RUBCNL: variants seen among roughly 807,000 people sequenced by gnomAD.
RUBCNL encodes the protein protein associated with UVRAG as autophagy enhancer.
A neutral mutation model predicts 69.5 loss-of-function variants in RUBCNL; 62 were observed. The observed-to-expected ratio is 0.89, with a 90% CI of 0.73 to 1.10. The LOEUF (loss-of-function observed/expected upper bound fraction) is 1.10, where lower values mean the gene tolerates loss of function less well. Ranked by LOEUF, RUBCNL falls within the 50% of genes least tolerant of loss-of-function variation. The probability of loss-of-function intolerance (pLI) is 0.00; values close to 1 mark genes in which losing one functional copy is unlikely to be tolerated. For synonymous variants in RUBCNL, 291 were observed against 303.6 expected, an observed-to-expected ratio of 0.96 and a Z score of 0.43; for missense variants, 768 against 798.1, an observed-to-expected ratio of 0.96 and a Z score of 0.45.
upstream of RUBCNL, chr13:46,387,828 C>T (rs2049283418): frequency 1.0e-6 from 1 of 985,472 alleles, no homozygotes; most frequent in African/African-American, 1.7e-5. Flanking sequence ...TTTGGAATCC[C>T]ATCACGGGTG....
intron 9 of RUBCNL, among the ~76,000 whole-genome samples, chr13:46,358,348 G>C (rs1425446027): frequency 3.3e-5 from 5 of 152,188 alleles, no homozygotes; most frequent in African/African-American, 1.2e-4. Flanking sequence ...CAAACCAAGA[G>C]GGATGGAAAA....
At position 46,341,905 on chromosome 13, in the gene RUBCNL, G is replaced by C. The variant is rs1359334289; in HGVS notation, c.*1480C>G. 1 of 152,204 alleles carries C rather than the reference G, an allele frequency of 6.6e-6. No individual in the cohort carries two copies. The highest frequency in any genetic ancestry group is 1.5e-5 in the Non-Finnish European group (1 of 68,044). 9.4% of individuals were successfully genotyped at this position (152,204 alleles called of 1,614,324 possible). On this transcript the variant is annotated 3_prime_UTR_variant, in exon 15 of 15. Coordinates refer to ENST00000429979, the MANE Select transcript of RUBCNL (RefSeq NM_025113.5). The stretch of plus-strand genomic sequence containing the variant: ...CTCAGTTTCCTTGCCTGTAAATGGA[G>C]ATATAGACATCTGCCTCAGAAAGGA...
At position 46,344,753 on chromosome 13, in the gene RUBCNL, T is replaced by C. The variant is rs200106645; in HGVS notation, c.1864A>G (p.Arg622Gly). ...AGTTATTAAATACCTGAACATCTTC[T>C]ACATGTTGCTGTCTGAAATGGGAAG... ...VIFPFQTATC[R>G]RCSACRACFH... Residue 622 changes from arginine (R) to glycine (G), a missense_variant, in exon 14 of 15, where the codon AGA becomes GGA. Coordinates refer to ENST00000429979, the MANE Select transcript of RUBCNL (RefSeq NM_025113.5). 45 of 1,605,766 alleles carry C rather than the reference T, an allele frequency of 2.8e-5. No individual in the cohort carries two copies. Among genetic ancestry groups the C allele is most frequent in the Non-Finnish European group, 3.5e-5 (41 of 1,174,302 alleles).
chr13:46,388,597 T>G (rs1185304312), upstream of RUBCNL, among the ~76,000 whole-genome samples: 6 of 152,194 alleles, frequency 3.9e-5, no homozygotes, highest in South Asian at 2.1e-4. Flanking sequence ...AAGCTCTCTC[T>G]CGCGGTGCCC....
At chr13:46,389,995 A>C (rs1187465102), upstream of RUBCNL, 1 of 152,234 alleles carries the variant, frequency 6.6e-6, no homozygotes, top group African/African-American at 2.4e-5. This position sits in a 1 kb window ranked among gnomAD's most constrained non-coding sequence, Gnocchi z 4.2. Context: ...CCTCCAAGAC[A>C]CAGGGCTTGA....
At chr13:46,388,882 T>G (rs1346460820), upstream of RUBCNL, among the ~76,000 whole-genome samples, 3 of 152,236 alleles carry the variant, frequency 2.0e-5, no homozygotes, top group African/African-American at 7.2e-5. Flanking sequence ...TGAATCAATA[T>G]GACAAAAGTC....
chr13:46,363,393 C>T lies in RUBCNL; in HGVS notation c.827-180G>A, dbSNP rs530086627. ...ACTATTTGTGTGTTCTTTTTGCACT[C>T]ACTATGATTAAGTGCCTGTAGTCCC... On this transcript the variant is annotated intron_variant, in intron 5 of 14. Coordinates refer to ENST00000429979, the MANE Select transcript of RUBCNL (RefSeq NM_025113.5). Among the ~76,000 whole-genome samples the T allele has an allele frequency of 6.6e-5, 10 of 152,228 alleles. No individual in the cohort carries two copies. The East Asian group carries it at 1.4e-3, about 21-fold the overall frequency.
At chr13:46,345,363 T>G in intron 13 of RUBCNL, 84 bp downstream of exon 13, 2 of 1,466,670 alleles carry the variant, frequency 1.4e-6, no homozygotes, top group Non-Finnish European at 1.8e-6. Flanking sequence ...TCAGGGTTTG[T>G]GAGAGTTAAA....
Position 46,338,010 on chromosome 13 carries a change from C to T in RUBCNL, c.*5375G>A, listed in dbSNP as rs368035685. Among the ~76,000 whole-genome samples the T allele has an allele frequency of 2.6e-5, 4 of 152,122 alleles. No homozygotes were observed. The highest frequency in any genetic ancestry group is 3.9e-4 in the East Asian group (2 of 5,160). The stretch of plus-strand genomic sequence containing the variant: ...TGCCAAAAGTTCAGAGAGCTGTCCC[C>T]AGTAGAATAATGAGGTAAATGCAGA... On this transcript the variant is annotated 3_prime_UTR_variant, in exon 15 of 15. Coordinates refer to ENST00000429979, the MANE Select transcript of RUBCNL (RefSeq NM_025113.5).
At position 46,371,923 on chromosome 13, in the gene RUBCNL, G is replaced by A. The variant is rs755619499; in HGVS notation, c.535+18C>T. 3.1e-5 allele frequency: 50 copies of A among 1,611,958 alleles called. No individual in the cohort carries two copies. Among genetic ancestry groups the A allele is most frequent in the Admixed American group, 5.0e-5 (3 of 59,912 alleles). On this transcript the variant is annotated intron_variant, in intron 3 of 14. Coordinates refer to ENST00000429979, the MANE Select transcript of RUBCNL (RefSeq NM_025113.5). ...GTGTGAACAGAGAGGAATGAGGGAG[G>A]TCACCTACTAAAATTACCTTCATCA...
chr13:46,337,968 T>A lies in RUBCNL; in HGVS notation c.*5417A>T, dbSNP rs1403561171. Among the ~76,000 whole-genome samples the A allele has an allele frequency of 6.6e-6, 1 of 152,038 alleles. No homozygotes were observed. The highest frequency in any genetic ancestry group is 6.6e-5 in the Admixed American group (1 of 15,264). ...CTTCCAAGAGACTTTCAAGGGCAGA[T>A]AGAAAGGATCAAAGGCTGCCAAAAG... On this transcript the variant is annotated 3_prime_UTR_variant, in exon 15 of 15. Transcript: ENST00000429979.
rs576533128 is a variant in RUBCNL, at chr13:46,362,558, A to T, written c.966T>A (p.Cys322Ter). ...DFNDITETCSCSCSSSKSVTY... is the reference protein window; with the variant it reads ...DFNDITETCS ...GATACCTCTTAGAGGAGCTGCAGGA[A>T]CAGCTACAGGTTTCTGTGATATCAT... Residue 322 changes from cysteine to a stop codon, truncating the protein, a stop_gained, in exon 7 of 15, where the codon TGT becomes TGA. Transcript: ENST00000429979. LOFTEE classifies it high-confidence loss of function. 7.5e-6 allele frequency: 12 copies of T among 1,609,434 alleles called. No homozygotes were observed. The South Asian group carries it at 1.3e-4, about 18-fold the overall frequency.
chr13:46,361,313 CA>C, intron 8 of RUBCNL, 127 bp downstream of exon 8: 1 of 899,522 alleles, frequency 1.1e-6, no homozygotes, highest in Non-Finnish European at 1.7e-6. Context: ...CCAGTTTCCT[CA>C]TTCATTTTGA....
Position 46,367,928 on chromosome 13 carries a change from G to C in RUBCNL, c.826+114C>G, listed in dbSNP as rs2048793800. 4 of 1,003,690 alleles carry C rather than the reference G, an allele frequency of 4.0e-6. No individual in the cohort carries two copies. The Admixed American group carries it at 7.7e-5, about 19-fold the overall frequency. 62.2% of individuals were successfully genotyped at this position (1,003,690 alleles called of 1,614,324 possible). A position where few individuals can be genotyped will look rare whatever the true frequency, so the allele number is the denominator to read the frequency against. ...ATATAGAGTTTGGTACTATCTGAAG[G>C]TTCAGGCTTCCACTGGGAGTCTTGG... On this transcript the variant is annotated intron_variant, in intron 5 of 14. Transcript: ENST00000429979.
Position 46,372,442 on chromosome 13 carries a change from G to A in RUBCNL, c.34C>T (p.Pro12Ser), listed in dbSNP as rs1255520223. The part of the protein sequence containing the change: ...VSQSTVRQDS[P>S]VEPWEGISDH... ...CTGATCCCTTCCCAGGGCTCCACAG[G>A]AGAATCCTGCCTGACTGTAGATTGT... Residue 12 changes from proline to serine, a missense_variant, in exon 3 of 15, where the codon CCT (proline) becomes TCT (serine). Pro to Ser is a moderately conservative substitution (Grantham distance 74, BLOSUM62 -1). Coordinates refer to ENST00000429979, the MANE Select transcript of RUBCNL (RefSeq NM_025113.5). The A allele has an allele frequency of 6.2e-7, 1 of 1,610,544 alleles. No individual in the cohort carries two copies. Among genetic ancestry groups the A allele is most frequent in the Non-Finnish European group, 8.5e-7 (1 of 1,178,366 alleles).
chr13:46,361,155 G>GCGGA (rs1221948265), intron 8 of RUBCNL, among the ~76,000 whole-genome samples: 2 of 152,208 alleles, frequency 1.3e-5, no homozygotes, highest in Admixed American at 1.3e-4. Flanking sequence ...AACCCAGGAA[G>GCGGA]CGGAGGTTGC....
intron 14 of RUBCNL, among the ~76,000 whole-genome samples, chr13:46,344,373 A>G (rs78768547): frequency 0.01 from 1,572 of 152,290 alleles, 27 homozygotes; most frequent in African/African-American, 0.036. Flanking sequence ...TGGTCTCTAC[A>G]ACAGCTACTC....
At chr13:46,362,941 T>G (rs1472721933) in intron 6 of RUBCNL, among the ~76,000 whole-genome samples, 174 bp downstream of exon 6, 4 of 52,378 alleles carry the variant, frequency 7.6e-5, no homozygotes, top group East Asian at 6.6e-4. Flanking sequence ...TATATATAGA[T>G]ATATATATAT....
rs2048134264 is a variant in RUBCNL at position 46,340,543 on chromosome 13, T to C, written c.*2842A>G. 6.6e-6 allele frequency among the ~76,000 whole-genome samples: 1 copy of C among 152,214 alleles called. No homozygotes were observed. ...TAGATAATTTAAATGGCTTCCCCAG[T>C]GTCTGAGTCTATTTGTGTTGCTATA... On this transcript the variant is annotated 3_prime_UTR_variant, in exon 15 of 15. Transcript: ENST00000429979.
Sources: allele counts gnomAD v4.1 joint callset (sites outside exome capture counted in the v4.1 genomes callset), GRCh38; gene constraint gnomAD v4.1.1; non-coding constraint Gnocchi (gnomAD v3.1); transcripts MANE v1.5; gene names NCBI Gene and HGNC (gene_info 2026-07-23, HGNC 2026-07-21).